Variants in RBMS3 observed in about 807,000 individuals in gnomAD.
The protein encoded by RBMS3 is RNA-binding motif, single-stranded-interacting protein 3.
RBMS3 carries 27 observed loss-of-function variants against 66.8 expected under a neutral mutation model. The ratio of observed to expected loss-of-function variants is 0.40; its 90% CI spans 0.30 to 0.56. RBMS3 has a LOEUF of 0.56. Ranked by LOEUF, RBMS3 falls within the 20% of genes least tolerant of loss-of-function variation. RBMS3 has a pLI of 0.40. For synonymous variants in RBMS3, 188 were observed against 183.0 expected (o/e 1.03, Z -0.22); for missense variants, 513 against 549.5 (o/e 0.93, Z 0.66).
intron 6 of RBMS3, among the ~76,000 whole-genome samples, chr3:29,765,467 A>G (rs895233100): frequency 3.3e-5 from 5 of 151,990 alleles, no homozygotes; most frequent in African/African-American, 1.2e-4. Flanking sequence ...AATATGCTCA[A>G]CTATAATTGG....
At chr3:29,327,663 T>A (rs2035418154) in intron 1 of RBMS3, among the ~76,000 whole-genome samples, 1 of 152,216 alleles carries the variant, frequency 6.6e-6, no homozygotes, top group Non-Finnish European at 1.5e-5. Context: ...TGAGAATGAT[T>A]TGATGGTGTG....
At chr3:29,561,662 AG>A (rs1363078882) in intron 3 of RBMS3, among the ~76,000 whole-genome samples, 1 of 152,178 alleles carries the variant, frequency 6.6e-6, no homozygotes, top group Non-Finnish European at 1.5e-5. Flanking sequence ...CGTGTTGGTC[AG>A]GCTGGTCTCA....
intron 10 of RBMS3, among the ~76,000 whole-genome samples, chr3:29,914,608 A>G (rs1320892651): frequency 3.3e-5 from 5 of 151,742 alleles, no homozygotes; most frequent in Non-Finnish European, 7.4e-5. Flanking sequence ...TAGCAACCCA[A>G]TTATGCTTTT....
chr3:29,375,013 C>A (rs769394917), intron 1 of RBMS3, among the ~76,000 whole-genome samples: 3 of 152,148 alleles, frequency 2.0e-5, no homozygotes, highest in Non-Finnish European at 4.4e-5. Flanking sequence ...AGAACAGAAA[C>A]ATAGACCAAT....
At chr3:29,521,145 A>G (rs971315646) in intron 3 of RBMS3, among the ~76,000 whole-genome samples, 6 of 152,168 alleles carry the variant, frequency 3.9e-5, no homozygotes, top group African/African-American at 1.4e-4. Context: ...GATTATATTA[A>G]TATTTAAAAT....
intron 7 of RBMS3, among the ~76,000 whole-genome samples, chr3:29,883,336 A>G (rs1189735199): frequency 6.6e-6 from 1 of 152,084 alleles, no homozygotes; most frequent in Non-Finnish European, 1.5e-5. Context: ...ACCTTGAGCA[A>G]GTCACTTGAC....
chr3:29,991,327 C>G, intron 14 of RBMS3, 118 bp downstream of exon 14: 1 of 1,501,056 alleles, frequency 6.7e-7, no homozygotes, highest in South Asian at 1.3e-5. Flanking sequence ...TAGCAACAGG[C>G]ATTTATTTAG....
rs1411056345 is a variant in RBMS3, at chr3:29,308,135, C to T, written c.75+26379C>T. ...TATAAATTTCTGTTATTTTTAAATA[C>T]TTGTCAGCAGTATGTTTTGCAATTG... On this transcript the variant is annotated intron_variant, in intron 1 of 14. Coordinates refer to ENST00000383767, the MANE Select transcript of RBMS3 (RefSeq NM_001003793.3). 2.6e-5 allele frequency among the ~76,000 whole-genome samples: 4 copies of T among 151,400 alleles called. No homozygotes were observed. In the East Asian group the frequency reaches 8.0e-4, roughly 30 times the overall value.
At chr3:29,461,626 G>T (rs1226339414) in intron 2 of RBMS3, among the ~76,000 whole-genome samples, 2 of 152,166 alleles carry the variant, frequency 1.3e-5, no homozygotes, top group Non-Finnish European at 2.9e-5. Flanking sequence ...TCGTTTGTGA[G>T]ATATTTGTGA....
Position 30,007,828 on chromosome 3 carries a change from A to G in RBMS3, c.*3966A>G, listed in dbSNP as rs939359945. 2.6e-5 allele frequency: 4 copies of G among 152,068 alleles called. No homozygotes were observed. Among genetic ancestry groups the G allele is most frequent in the Admixed American group, 1.3e-4 (2 of 15,244 alleles). 9.4% of individuals were successfully genotyped at this position (152,068 alleles called of 1,614,324 possible). A position where few individuals can be genotyped will look rare whatever the true frequency, so the allele number is the denominator to read the frequency against. ...GTTACCTCCAAATTTCACTTGAATTACTTCCTCCTGTGACCTTAGCAGATC... is the reference window on the plus strand; with the variant it reads ...GTTACCTCCAAATTTCACTTGAATTGCTTCCTCCTGTGACCTTAGCAGATC... On this transcript the variant is annotated 3_prime_UTR_variant, in exon 15 of 15. Coordinates refer to ENST00000383767, the MANE Select transcript of RBMS3 (RefSeq NM_001003793.3).
intron 1 of RBMS3, among the ~76,000 whole-genome samples, chr3:29,433,673 C>A (rs2041291917): frequency 6.6e-6 from 1 of 152,080 alleles, no homozygotes; most frequent in Admixed American, 6.6e-5. Flanking sequence ...ACAGCAGGGA[C>A]TCAACCCTAG....
intron 1 of RBMS3, among the ~76,000 whole-genome samples, chr3:29,388,849 T>C (rs779130599): frequency 2.6e-4 from 39 of 152,140 alleles, no homozygotes; most frequent in East Asian, 7.8e-4. Context: ...CAGGCGTGAG[T>C]CACTGCGCCT....
chr3:29,435,969 G>A lies in RBMS3; in HGVS notation c.248+1054G>A, dbSNP rs146402233. On this transcript the variant is annotated intron_variant, in intron 2 of 14. Transcript: ENST00000383767. ...AGCTTGGGCAACAGAGCGAGACTCC[G>A]TCTCAAAAAAAAAAAAGAAGACGAA... Among the ~76,000 whole-genome samples, 175 of 94,620 alleles carry A rather than the reference G, an allele frequency of 1.8e-3. 6 individuals carry two copies. In the East Asian group the frequency reaches 0.044, roughly 24 times the overall value. The allele number at this position is 94,620 out of a possible 152,430, so 62.1% of individuals were successfully genotyped here.
At chr3:29,765,033 A>C (rs542570487) in intron 6 of RBMS3, among the ~76,000 whole-genome samples, 2 of 152,140 alleles carry the variant, frequency 1.3e-5, no homozygotes, top group South Asian at 4.1e-4. Context: ...TCAGTGCTTG[A>C]ATCTGCTTAT....
chr3:29,369,829 C>G (rs2038104926), intron 1 of RBMS3, among the ~76,000 whole-genome samples: 1 of 151,970 alleles, frequency 6.6e-6, no homozygotes, highest in Admixed American at 6.5e-5. Context: ...TAAAGGCAGC[C>G]ATTTTTATCA....
chr3:29,482,701 C>CTTTCT (rs759435190), intron 2 of RBMS3, among the ~76,000 whole-genome samples: 1 of 77,506 alleles, frequency 1.3e-5, no homozygotes, highest in African/African-American at 5.2e-5. Flanking sequence ...TTCTTTCTTT[C>CTTTCT]TTTTTTTTTT....
chr3:29,516,666 C>T (rs558094875), intron 3 of RBMS3, among the ~76,000 whole-genome samples: 4 of 152,218 alleles, frequency 2.6e-5, no homozygotes, highest in South Asian at 2.1e-4. Flanking sequence ...TATCCTACCA[C>T]GTCAGCCTCC....
chr3:29,405,618 T>TCA (rs1285798858), intron 1 of RBMS3, among the ~76,000 whole-genome samples: 14 of 151,688 alleles, frequency 9.2e-5, no homozygotes, highest in Non-Finnish European at 1.5e-5. Flanking sequence ...GGTGAATGGG[T>TCA]CACACACACA....
chr3:29,773,881 C>G (rs1250847453), intron 6 of RBMS3, among the ~76,000 whole-genome samples: 1 of 152,052 alleles, frequency 6.6e-6, no homozygotes, highest in Non-Finnish European at 1.5e-5. Flanking sequence ...AGGATTCAAA[C>G]AGTTACAGTT....
Sources: gnomAD v4.1 joint callset for allele counts (sites outside exome capture counted in the v4.1 genomes callset) on GRCh38, gnomAD v4.1.1 for gene constraint, MANE v1.5 for transcripts, NCBI Gene and HGNC (gene_info 2026-07-23, HGNC 2026-07-21) for gene names.